The following NUP35 variants were observed in gnomAD, a reference collection of about 807,000 sequenced individuals.
NUP35 encodes the protein nucleoporin NUP35.
Under a neutral mutation model 41.5 loss-of-function variants are expected in NUP35, and 25 were observed. The observed-to-expected ratio is 0.60, with a 90% confidence interval of 0.44 to 0.84. NUP35 has a LOEUF of 0.84. Ranked by LOEUF, NUP35 falls within the 40% of genes least tolerant of loss-of-function variation. NUP35 has a pLI of 0.00. For synonymous variants in NUP35, 149 were observed against 130.7 expected (o/e 1.14, Z -0.96); for missense variants, 396 against 396.6 (o/e 1.00, Z 0.01).
intron 4 of NUP35, among the ~76,000 whole-genome samples, chr2:183,148,967 C>A (rs940983969): frequency 6.6e-6 from 1 of 152,150 alleles, no homozygotes; most frequent in Non-Finnish European, 1.5e-5. Context: ...TAGCTTTTCC[C>A]CCCACCTTCT....
upstream of NUP35, among the ~76,000 whole-genome samples, chr2:183,121,113 C>T (rs932153603): frequency 4.0e-5 from 6 of 151,714 alleles, no homozygotes; most frequent in African/African-American, 1.5e-4. Context: ...TGTAGCATCA[C>T]CAAAAATAAA....
chr2:183,140,257 T>C (rs1019018031), intron 4 of NUP35, among the ~76,000 whole-genome samples: 1 of 152,132 alleles, frequency 6.6e-6, no homozygotes, highest in Non-Finnish European at 1.5e-5. Flanking sequence ...TTCTAAGTTG[T>C]AGAGGCTGTC....
intron 3 of NUP35, 25 bp from the exon 4 acceptor site, chr2:183,133,541 A>C: frequency 2.5e-6 from 4 of 1,589,638 alleles, no homozygotes; most frequent in Non-Finnish European, 3.4e-6. Context: ...CATTTTTACC[A>C]TAACACTTTC....
chr2:183,158,238 AT>A, intron 6 of NUP35, 44 bp from the exon 7 acceptor site: 1 of 1,301,652 alleles, frequency 7.7e-7, no homozygotes, highest in Non-Finnish European at 1.0e-6. Context: ...TTAGATGTAG[AT>A]TTTATATATT....
intron 4 of NUP35, among the ~76,000 whole-genome samples, chr2:183,143,166 A>AAG (rs1559149731): frequency 1.3e-5 from 2 of 151,066 alleles, no homozygotes; most frequent in East Asian, 1.9e-4. Flanking sequence ...AAAAAAAAAA[A>AAG]AAAAGAAAAG....
chr2:183,146,241 A>T (rs1412205363), intron 4 of NUP35, among the ~76,000 whole-genome samples: 1 of 152,190 alleles, frequency 6.6e-6, no homozygotes, highest in Non-Finnish European at 1.5e-5. Flanking sequence ...GTCTCAAAAA[A>T]AAAAGTATTT....
At chr2:183,150,246 T>G (rs1169945326) in intron 4 of NUP35, among the ~76,000 whole-genome samples, 1 of 152,234 alleles carries the variant, frequency 6.6e-6, no homozygotes, top group African/African-American at 2.4e-5. Flanking sequence ...AGTCCTGTTA[T>G]GTCACGCTTG....
At chr2:183,124,431 C>CA (rs745957847), upstream of NUP35, 2 of 1,614,022 alleles carry the variant, frequency 1.2e-6, no homozygotes, top group African/African-American at 2.7e-5. Flanking sequence ...TGGGAAGGTA[C>CA]TGGTTTTAAG....
At chr2:183,126,374 T>C (rs1195188670) in intron 1 of NUP35, among the ~76,000 whole-genome samples, 1 of 152,236 alleles carries the variant, frequency 6.6e-6, no homozygotes, top group Non-Finnish European at 1.5e-5. Flanking sequence ...CAATTCTTAC[T>C]TTATTTTGCT....
At chr2:183,133,684 C>G (rs1259738446) in intron 4 of NUP35, 61 bp downstream of exon 4, 1 of 1,191,412 alleles carries the variant, frequency 8.4e-7, no homozygotes, top group Non-Finnish European at 1.2e-6. Flanking sequence ...CTGCTACCCA[C>G]GCTGGAGTGC....
chr2:183,128,191 T>G, intron 1 of NUP35, 96 bp from the exon 2 acceptor site: 1 of 972,706 alleles, frequency 1.0e-6, no homozygotes, highest in South Asian at 3.4e-5. Flanking sequence ...TTGATTAAAT[T>G]TGCAAAATTA....
At chr2:183,151,813 T>C (rs561636476) in intron 5 of NUP35, among the ~76,000 whole-genome samples, 164 bp downstream of exon 5, 1 of 152,362 alleles carries the variant, frequency 6.6e-6, no homozygotes, top group Non-Finnish European at 1.5e-5. Flanking sequence ...TTGTCATTTA[T>C]CCATCTATCA....
intron 5 of NUP35, 68 bp downstream of exon 5, chr2:183,151,717 C>T: frequency 6.9e-7 from 1 of 1,450,662 alleles, no homozygotes; most frequent in South Asian, 1.3e-5. Context: ...TATAATCAAA[C>T]ATACAGTAAA....
chr2:183,124,388 T>C (rs1156709937), upstream of NUP35: 2 of 1,613,584 alleles, frequency 1.2e-6, no homozygotes, highest in Admixed American at 3.3e-5. Flanking sequence ...CCGTTACCCG[T>C]GGGGAGCGTT....
At chr2:183,160,937 A>T in intron 8 of NUP35, 117 bp from the exon 9 acceptor site, 1 of 700,128 alleles carries the variant, frequency 1.4e-6, no homozygotes, top group South Asian at 1.9e-5. Context: ...AAAAATTTAC[A>T]ATTTAGTGCT....
chr2:183,145,614 T>G (rs931446624), intron 4 of NUP35, among the ~76,000 whole-genome samples: 3 of 152,188 alleles, frequency 2.0e-5, no homozygotes. Flanking sequence ...GAAAGAGAAT[T>G]TTTAAAAGTT....
chr2:183,118,279 T>A (rs1201608623), intron 1 of NUP35: 2 of 152,188 alleles, frequency 1.3e-5, no homozygotes, highest in Non-Finnish European at 2.9e-5. Flanking sequence ...AAGATAATAT[T>A]CATCTACAGA....
At chr2:183,152,346 G>T (rs1266762800) in intron 5 of NUP35, among the ~76,000 whole-genome samples, 1 of 152,070 alleles carries the variant, frequency 6.6e-6, no homozygotes, top group Non-Finnish European at 1.5e-5. Flanking sequence ...ACATGAGTAA[G>T]TTCTTTACAT....
At chr2:183,149,518 G>A (rs1022247477) in intron 4 of NUP35, among the ~76,000 whole-genome samples, 1 of 152,180 alleles carries the variant, frequency 6.6e-6, no homozygotes, top group African/African-American at 2.4e-5. Context: ...ACCTGAGTCT[G>A]TTGAATCACA....
Sources: allele counts gnomAD v4.1 joint callset (sites outside exome capture counted in the v4.1 genomes callset), GRCh38; gene constraint gnomAD v4.1.1; transcripts MANE v1.5; gene names NCBI Gene and HGNC (gene_info 2026-07-23, HGNC 2026-07-21).